XYLT1: variants seen among roughly 807,000 people sequenced by gnomAD.
XYLT1 encodes the protein xylosyltransferase 1.
XYLT1 carries 36 observed loss-of-function variants against 91.3 expected under a neutral mutation model. The observed-to-expected ratio is 0.39, with a 90% CI of 0.30 to 0.52. The LOEUF (loss-of-function observed/expected upper bound fraction) is 0.52. Among genes scored for constraint, XYLT1 ranks in the 20% least tolerant of loss-of-function variants. The pLI, the probability that XYLT1 is intolerant of heterozygous loss-of-function variation, is 0.68. For missense variants in XYLT1, 1,242 were observed against 1,284.5 expected (o/e 0.97, Z 0.51); for synonymous variants, 588 against 532.0 (o/e 1.11, Z -1.45).
At chr16:17,383,366 C>T (rs1324511750) in intron 1 of XYLT1, among the ~76,000 whole-genome samples, 4 of 151,860 alleles carry the variant, frequency 2.6e-5, no homozygotes, top group African/African-American at 9.7e-5. Flanking sequence ...ACCACTCCCT[C>T]CTCAGCTAGC....
chr16:17,281,089 G>T (rs974762036), intron 2 of XYLT1, among the ~76,000 whole-genome samples: 6 of 152,172 alleles, frequency 3.9e-5, no homozygotes, highest in Non-Finnish European at 8.8e-5. Flanking sequence ...CCCTCTTTCA[G>T]CTTTGGGTAC....
intron 9 of XYLT1, among the ~76,000 whole-genome samples, chr16:17,129,226 G>C (rs1007472142): frequency 2.0e-5 from 3 of 151,998 alleles, no homozygotes; most frequent in African/African-American, 7.3e-5. Context: ...ATCTAGGCAG[G>C]GCTATCACAT....
intron 6 of XYLT1, among the ~76,000 whole-genome samples, chr16:17,148,154 C>T (rs944623388): frequency 2.6e-5 from 4 of 152,214 alleles, no homozygotes; most frequent in African/African-American, 9.6e-5. Flanking sequence ...GTCTTGACAG[C>T]CTCCTGAATC....
chr16:17,404,570 C>T (rs927031608), intron 1 of XYLT1, among the ~76,000 whole-genome samples: 1 of 152,152 alleles, frequency 6.6e-6, no homozygotes, highest in African/African-American at 2.4e-5. Flanking sequence ...AGCCATGTTT[C>T]GAATCCAGGA....
At chr16:17,400,145 A>G (rs2035945421) in intron 1 of XYLT1, among the ~76,000 whole-genome samples, 1 of 152,186 alleles carries the variant, frequency 6.6e-6, no homozygotes, top group African/African-American at 2.4e-5. Context: ...GACAGGAAGG[A>G]CAGGGGCTGA....
At chr16:17,228,059 T>C (rs2033097461) in intron 3 of XYLT1, 2 of 152,174 alleles carry the variant, frequency 1.3e-5, no homozygotes, top group South Asian at 4.1e-4. Flanking sequence ...CCATTGACTG[T>C]TGTAGGTTTG....
intron 2 of XYLT1, among the ~76,000 whole-genome samples, chr16:17,335,694 C>CAAA (rs34629667): frequency 2.9e-4 from 37 of 125,462 alleles, no homozygotes; most frequent in African/African-American, 9.2e-4. Flanking sequence ...AACTCCATCT[C>CAAA]AAAAAAAAAA....
intron 5 of XYLT1, among the ~76,000 whole-genome samples, chr16:17,192,250 C>A (rs2141580773): frequency 6.6e-6 from 1 of 152,144 alleles, no homozygotes; most frequent in South Asian, 2.1e-4. Flanking sequence ...AGGCGCCCGC[C>A]ACCACACCCA....
At chr16:17,135,588 GGTGATTATGATTCA>G (rs1182889057) in intron 8 of XYLT1, among the ~76,000 whole-genome samples, 3 of 149,414 alleles carry the variant, frequency 2.0e-5, no homozygotes, top group Non-Finnish European at 3.0e-5. Flanking sequence ...AAAATTCCCA[GGTGATTATGATTCA>G]GTGTTTCAGG....
intron 9 of XYLT1, among the ~76,000 whole-genome samples, chr16:17,132,490 TGGCAAC>T (rs2030520530): frequency 1.3e-5 from 2 of 149,074 alleles, no homozygotes; most frequent in African/African-American, 5.0e-5. Flanking sequence ...TAATGGCAAC[TGGCAAC>T]TAAGATACCA....
intron 1 of XYLT1, among the ~76,000 whole-genome samples, chr16:17,372,759 G>A (rs963319923): frequency 3.9e-5 from 6 of 152,170 alleles, no homozygotes; most frequent in Non-Finnish European, 8.8e-5. Context: ...TTGAACTTGA[G>A]CAAATTACTT....
At chr16:17,214,488 A>C (rs542888316) in intron 3 of XYLT1, among the ~76,000 whole-genome samples, 1 of 152,164 alleles carries the variant, frequency 6.6e-6, no homozygotes, top group Non-Finnish European at 1.5e-5. Context: ...CCTGTCTCCT[A>C]TGTGCTCTTT....
chr16:17,424,481 A>G (rs942430871), intron 1 of XYLT1, among the ~76,000 whole-genome samples: 1 of 152,210 alleles, frequency 6.6e-6, no homozygotes, highest in Admixed American at 6.5e-5. Flanking sequence ...AGGTTGAGCT[A>G]AGTAAAAAGT....
At chr16:17,431,657 G>A (rs187915849) in intron 1 of XYLT1, among the ~76,000 whole-genome samples, 17 of 152,308 alleles carry the variant, frequency 1.1e-4, no homozygotes, top group South Asian at 4.1e-4. Flanking sequence ...TTTAACCACC[G>A]CTGTGCATTT....
At chr16:17,144,767 G>A (rs2031088457) in intron 6 of XYLT1, among the ~76,000 whole-genome samples, 1 of 152,238 alleles carries the variant, frequency 6.6e-6, no homozygotes, top group Non-Finnish European at 1.5e-5. Context: ...TCGAGGAAGA[G>A]CTGCCTTTTC....
intron 2 of XYLT1, among the ~76,000 whole-genome samples, chr16:17,269,409 C>A (rs942415042): frequency 6.6e-6 from 1 of 151,938 alleles, no homozygotes; most frequent in Non-Finnish European, 1.5e-5. Flanking sequence ...GTCTCAAACT[C>A]CTAGGCTCAG....
chr16:17,250,520 C>T (rs1400986934), intron 3 of XYLT1: 1 of 152,152 alleles, frequency 6.6e-6, no homozygotes, highest in East Asian at 1.9e-4. Context: ...TTTACAAAGT[C>T]CCAAATATTT....
At chr16:17,260,393 A>G (rs2033705291) in intron 2 of XYLT1, among the ~76,000 whole-genome samples, 1 of 152,160 alleles carries the variant, frequency 6.6e-6, no homozygotes, top group Admixed American at 6.5e-5. Context: ...CTTAATCTGA[A>G]AGCATATCCA....
intron 1 of XYLT1, among the ~76,000 whole-genome samples, chr16:17,402,046 C>T (rs1007294247): frequency 3.3e-5 from 5 of 152,038 alleles, no homozygotes; most frequent in Non-Finnish European, 4.4e-5. Flanking sequence ...CGCCTGTAAT[C>T]CCAACACTTC....
Sources: gnomAD v4.1 joint callset for allele counts (sites outside exome capture counted in the v4.1 genomes callset) on GRCh38, gnomAD v4.1.1 for gene constraint, MANE v1.5 for transcripts, NCBI Gene and HGNC (gene_info 2026-07-23, HGNC 2026-07-21) for gene names.